Variants in FBN1 observed in about 807,000 individuals in gnomAD.
FBN1 encodes fibrillin-1.
A neutral mutation model predicts 365.1 loss-of-function variants in FBN1; 29 were observed. That is an observed-to-expected ratio of 0.08 (90% CI 0.06 to 0.11). The LOEUF (loss-of-function observed/expected upper bound fraction) is 0.11, where lower values mean the gene tolerates loss of function less well. Among genes scored for constraint, FBN1 ranks in the 10% least tolerant of loss-of-function variants. The probability of loss-of-function intolerance (pLI) is 1.00; values close to 1 mark genes in which losing one functional copy is unlikely to be tolerated. For synonymous variants in FBN1, 1,210 were observed against 1,270.5 expected (o/e 0.95, Z 1.01); for missense variants, 2,476 against 3,703.2 (o/e 0.67, Z 8.60).
At chr15:48,484,135 A>C (rs1369958476) in intron 30 of FBN1, among the ~76,000 whole-genome samples, 192 bp from the exon 31 acceptor site, 1 of 152,236 alleles carries the variant, frequency 6.6e-6, no homozygotes, top group African/African-American at 2.4e-5. Flanking sequence ...AATATTTTTC[A>C]ATATTTATAA....
intron 60 of FBN1, among the ~76,000 whole-genome samples, chr15:48,425,121 A>G (rs901051914): frequency 1.3e-5 from 2 of 152,248 alleles, no homozygotes; most frequent in Non-Finnish European, 2.9e-5. Flanking sequence ...TCTCTGAGAC[A>G]GTCATGGATG....
chr15:48,448,671 T>C, intron 46 of FBN1, 97 bp downstream of exon 46: 1 of 1,212,252 alleles, frequency 8.2e-7, no homozygotes, highest in Non-Finnish European at 1.2e-6. Context: ...ATAGCAAAAA[T>C]ACTACTAAAA....
intron 2 of FBN1, among the ~76,000 whole-genome samples, chr15:48,638,129 G>T (rs1890128575): frequency 6.6e-6 from 1 of 151,636 alleles, no homozygotes; most frequent in Admixed American, 6.6e-5. Context: ...CAACCCTCTG[G>T]GCTCAAGTGA....
intron 20 of FBN1, among the ~76,000 whole-genome samples, chr15:48,495,878 A>G (rs564587264): frequency 6.6e-6 from 1 of 152,338 alleles, no homozygotes; most frequent in Non-Finnish European, 1.5e-5. Flanking sequence ...GACACATAAC[A>G]TTTTCTTTAT....
chr15:48,441,929 A>G, intron 49 of FBN1, 83 bp from the exon 50 acceptor site: 4 of 1,438,496 alleles, frequency 2.8e-6, no homozygotes, highest in Admixed American at 1.7e-5. Context: ...GGACACACAA[A>G]GGGCAACTGA....
At chr15:48,586,885 G>A (rs922413383) in intron 6 of FBN1, among the ~76,000 whole-genome samples, 3 of 152,188 alleles carry the variant, frequency 2.0e-5, no homozygotes, top group Non-Finnish European at 4.4e-5. Context: ...AGATCTCCAA[G>A]ATGAAGACAT....
At chr15:48,608,246 G>C (rs1171934711) in intron 4 of FBN1, among the ~76,000 whole-genome samples, 1 of 152,150 alleles carries the variant, frequency 6.6e-6, no homozygotes, top group Non-Finnish European at 1.5e-5. Flanking sequence ...CCTCTCTGAG[G>C]TCCCACGACT....
intron 31 of FBN1, among the ~76,000 whole-genome samples, chr15:48,483,578 A>G (rs182084157): frequency 5.7e-4 from 87 of 152,334 alleles, no homozygotes; most frequent in Non-Finnish European, 1.2e-3. Flanking sequence ...CATAAAAGAA[A>G]TGTCCATCTG....
At position 48,472,574 on chromosome 15, in the gene FBN1, C is replaced by T. The variant is rs587782945; in HGVS notation, c.4313G>A (p.Ser1438Asn). 2.5e-5 allele frequency: 40 copies of T among 1,613,862 alleles called. No individual in the cohort carries two copies. In the East Asian group the frequency reaches 8.9e-4, roughly 36 times the overall value. The change falls in exon 35 of 66, where the codon AGT becomes AAT. Residue 1438 changes from serine to asparagine, a missense_variant. By Grantham distance (46) the Ser-to-Asn change is conservative. Transcript: ENST00000316623. ...RCECDMGFVP[S>N]ADGKACEDID... is the part of the protein sequence containing the mutation. Reference sequence around the variant, plus strand: ...ACCTTCACAGGCTTTCCCGTCAGCACTGGGCACGAAGCCCATGTCGCATTC... The same window carrying T: ...ACCTTCACAGGCTTTCCCGTCAGCATTGGGCACGAAGCCCATGTCGCATTC...
chr15:48,562,421 T>C (rs556549664), intron 6 of FBN1, among the ~76,000 whole-genome samples: 1 of 152,314 alleles, frequency 6.6e-6, no homozygotes, highest in South Asian at 2.1e-4. Flanking sequence ...GGTGGCCATG[T>C]TGTGTATTAC....
intron 6 of FBN1, among the ~76,000 whole-genome samples, chr15:48,587,447 A>G (rs1293691084): frequency 6.6e-6 from 1 of 152,220 alleles, no homozygotes; most frequent in African/African-American, 2.4e-5. Context: ...ATCGTGGAGA[A>G]GCTTGCAATA....
intron 37 of FBN1, 113 bp downstream of exon 37, chr15:48,468,299 T>A: frequency 7.0e-7 from 1 of 1,428,992 alleles, no homozygotes; most frequent in South Asian, 1.2e-5. Context: ...AGTTAGGAAA[T>A]GTTTAAATTT....
intron 2 of FBN1, among the ~76,000 whole-genome samples, chr15:48,636,909 A>C (rs1890104619): frequency 6.6e-6 from 1 of 152,246 alleles, no homozygotes. Context: ...GTTACGTAGC[A>C]ATAAAATAAC....
chr15:48,516,398 A>C (rs1469670253), intron 10 of FBN1, 36 bp from the exon 11 acceptor site: 2 of 1,604,624 alleles, frequency 1.2e-6, no homozygotes, highest in African/African-American at 2.7e-5. Context: ...ACAACAGCTG[A>C]GCTGTAGCTT....
intron 60 of FBN1, among the ~76,000 whole-genome samples, chr15:48,423,818 G>C (rs995521898): frequency 6.6e-6 from 1 of 152,108 alleles, no homozygotes; most frequent in Middle Eastern, 3.2e-3. Context: ...GGAAGAATTT[G>C]AACCTTATGG....
intron 24 of FBN1, among the ~76,000 whole-genome samples, chr15:48,491,659 T>A (rs1033585601): frequency 2.6e-5 from 4 of 152,168 alleles, no homozygotes; most frequent in African/African-American, 7.2e-5. Context: ...CCCACTTTTT[T>A]AACTACCTAC....
intron 4 of FBN1, among the ~76,000 whole-genome samples, chr15:48,609,530 G>A (rs1397561273): frequency 6.6e-6 from 1 of 152,230 alleles, no homozygotes; most frequent in East Asian, 1.9e-4. Flanking sequence ...GAACAGCGAG[G>A]GCTCGGTCCC....
At chr15:48,473,459 T>C (rs1466730012) in intron 34 of FBN1, among the ~76,000 whole-genome samples, 3 of 152,358 alleles carry the variant, frequency 2.0e-5, no homozygotes, top group African/African-American at 7.2e-5. Flanking sequence ...TATATGCACA[T>C]GTAAGTATAT....
At chr15:48,573,663 T>C (rs1231611449) in intron 6 of FBN1, among the ~76,000 whole-genome samples, 1 of 152,220 alleles carries the variant, frequency 6.6e-6, no homozygotes, top group Non-Finnish European at 1.5e-5. Context: ...CAAGGAGATC[T>C]TGGATTCTCA....
Sources: allele counts gnomAD v4.1 joint callset (sites outside exome capture counted in the v4.1 genomes callset), GRCh38; gene constraint gnomAD v4.1.1; transcripts MANE v1.5; gene names NCBI Gene and HGNC (gene_info 2026-07-23, HGNC 2026-07-21).